Variants in PLIN2 observed in about 807,000 individuals in gnomAD.
PLIN2 encodes the protein perilipin-2.
In PLIN2, 33 loss-of-function variants were observed where a neutral mutation model predicts 30.6. That is an observed-to-expected ratio of 1.08 (90% confidence interval 0.82 to 1.44). The LOEUF (loss-of-function observed/expected upper bound fraction) is 1.44. Ranked by LOEUF, PLIN2 falls within the 40% of genes most tolerant of loss-of-function variation. PLIN2 has a pLI of 0.00. For synonymous variants in PLIN2, 205 were observed against 201.1 expected, an observed-to-expected ratio of 1.02 and a Z score of -0.16; for missense variants, 610 against 531.8, an observed-to-expected ratio of 1.15 and a Z score of -1.45.
Position 19,116,397 on chromosome 9 carries a change from T to C in PLIN2, c.1165A>G (p.Met389Val). Residue 389 changes from methionine to valine, a missense_variant, in exon 8 of 8, where the codon ATG (methionine) becomes GTG (valine). Physicochemically the swap from Met to Val is conservative, Grantham distance 21. Transcript: ENST00000276914. ...QKMKESLDDVMDYLVNNTPLN... is the reference protein window; with the variant it reads ...QKMKESLDDVVDYLVNNTPLN... ...GGCGTGTTGTTAACAAGATAATCCATCACGTCATCTAAAGATTCCTTCATT... is the reference window on the plus strand; with the variant it reads ...GGCGTGTTGTTAACAAGATAATCCACCACGTCATCTAAAGATTCCTTCATT... The C allele has an allele frequency of 3.7e-6, 6 of 1,614,192 alleles. No individual in the cohort carries two copies. The highest frequency in any genetic ancestry group is 3.4e-6 in the Non-Finnish European group (4 of 1,180,028).
chr9:19,114,670 C>A (rs765526967), downstream of PLIN2, among the ~76,000 whole-genome samples: 46 of 152,148 alleles, frequency 3.0e-4, no homozygotes, highest in Admixed American at 3.9e-4. Context: ...TCCCAAAGTG[C>A]TGGGATTACA....
chr9:19,116,237 T>G lies in PLIN2; in HGVS notation c.*11A>C, dbSNP rs138102347. ...GTCTGGCCACAGCATGCACTAGTGA[T>G]AGGGGCAGGTTTAATGAGTTTTATG... On this transcript the variant is annotated 3_prime_UTR_variant, in exon 8 of 8. Coordinates refer to ENST00000276914, the MANE Select transcript of PLIN2 (RefSeq NM_001122.4). 1 of 1,556,536 alleles carries G rather than the reference T, an allele frequency of 6.4e-7. No individual in the cohort carries two copies. The highest frequency in any genetic ancestry group is 2.3e-5 in the East Asian group (1 of 44,256).
chr9:19,119,863 A>G, intron 5 of PLIN2, 32 bp from the exon 6 acceptor site: 2 of 1,456,380 alleles, frequency 1.4e-6, no homozygotes, highest in South Asian at 2.5e-5. Context: ...AAAAAAACTT[A>G]AGGGATCACA....
chr9:19,109,494 A>G (rs35000581), intron 2 of PLIN2, among the ~76,000 whole-genome samples: 9,042 of 145,714 alleles, frequency 0.062, 308 homozygotes, highest in East Asian at 0.11. Context: ...CAGTGAGCCG[A>G]GGTTCACCAC....
Position 19,126,213 on chromosome 9 carries a change from G to T in PLIN2, c.127C>A (p.Leu43Met). ...TCTGCCATCTCACACACAGACTTCA[G>T]GTAGGGATACTGGTCCTTTGTACTG... ...YLSTKDQYPY[L>M]KSVCEMAENG... The change falls in exon 3 of 8, where the codon CTG becomes ATG. Residue 43 changes from leucine to methionine, a missense_variant. By Grantham distance (15) the Leu-to-Met change is conservative. Coordinates refer to ENST00000276914, the MANE Select transcript of PLIN2 (RefSeq NM_001122.4). 1 of 1,614,160 alleles carries T rather than the reference G, an allele frequency of 6.2e-7. No homozygotes were observed. The highest frequency in any genetic ancestry group is 1.3e-5 in the African/African-American group (1 of 75,052).
chr9:19,125,148 C>T (rs1186465751), intron 3 of PLIN2, among the ~76,000 whole-genome samples: 5 of 152,142 alleles, frequency 3.3e-5, no homozygotes, highest in African/African-American at 9.7e-5. Context: ...TTCTTTATTT[C>T]GGTAAAATAT....
In PLIN2 at chr9:19,115,961, G is replaced by A. The variant is rs1183071393; in HGVS notation, c.*287C>T. 1 of 269,632 alleles carries A rather than the reference G, an allele frequency of 3.7e-6. No individual in the cohort carries two copies. The highest frequency in any genetic ancestry group is 7.0e-6 in the Non-Finnish European group (1 of 143,380). 16.7% of individuals were successfully genotyped at this position (269,632 alleles called of 1,614,324 possible). A position where few individuals can be genotyped will look rare whatever the true frequency, so the allele number is the denominator to read the frequency against. On this transcript the variant is annotated 3_prime_UTR_variant, in exon 8 of 8. Coordinates refer to ENST00000276914, the MANE Select transcript of PLIN2 (RefSeq NM_001122.4). ...TTTTTATTCAATACAAACAGTAACA[G>A]AGGCAACACAATGGCCATAGAATGA...
downstream of PLIN2, among the ~76,000 whole-genome samples, chr9:19,112,308 T>C (rs1818168930): frequency 6.6e-6 from 1 of 152,200 alleles, no homozygotes; most frequent in African/African-American, 2.4e-5. Context: ...TTACATACTA[T>C]GTTAGCCTTA....
At chr9:19,112,085 C>T (rs933089111), downstream of PLIN2, among the ~76,000 whole-genome samples, 1 of 152,234 alleles carries the variant, frequency 6.6e-6, no homozygotes, top group African/African-American at 2.4e-5. Flanking sequence ...TCAACACTCA[C>T]TTCCATCTGT....
rs748318744 is a variant in PLIN2 at position 19,119,668 on chromosome 9, G to T, written c.759C>A (p.Leu253=). The T allele has an allele frequency of 6.3e-7, 1 of 1,599,586 alleles. No homozygotes were observed. The highest frequency in any genetic ancestry group is 8.5e-7 in the Non-Finnish European group (1 of 1,171,344). The change falls in exon 6 of 8, where the codon CTC becomes CTA. Residue 253 remains leucine, a synonymous_variant. Transcript: ENST00000276914. ...TACTCACCAGGTGAACAGTAGAATGGAGCTGAGAAATGGTCTGTTGGCTTT... is the reference window on the plus strand; with the variant it reads ...TACTCACCAGGTGAACAGTAGAATGTAGCTGAGAAATGGTCTGTTGGCTTT... ...KQKSQQTISQ[L]HSTVHLIEFA...
Position 19,127,241 on chromosome 9 carries a change from C to G in PLIN2, c.-23+178G>C, listed in dbSNP as rs1485675647. On this transcript the variant is annotated intron_variant, in intron 1 of 7. Coordinates refer to ENST00000276914, the MANE Select transcript of PLIN2 (RefSeq NM_001122.4). This position sits in a 1 kb window ranked among gnomAD's most constrained non-coding sequence, Gnocchi z 4.3. ...CAGACCGCCCCTACCCAGCCAGGAC[C>G]TGGAAGCCGCGAGGCGAGCGGGGGG... is the stretch of plus-strand genomic sequence containing the variant. Among the ~76,000 whole-genome samples the G allele has an allele frequency of 6.6e-6, 1 of 152,190 alleles. No individual in the cohort carries two copies. The highest frequency in any genetic ancestry group is 1.5e-5 in the Non-Finnish European group (1 of 68,032).
chr9:19,123,795 C>A, intron 3 of PLIN2, 148 bp from the exon 4 acceptor site: 1 of 618,222 alleles, frequency 1.6e-6, no homozygotes, highest in Non-Finnish European at 2.8e-6. Context: ...CTGAGGCAGG[C>A]GGATCACGAG....
rs781458865 is a variant in PLIN2, at chr9:19,116,297, A to G, written c.1265T>C (p.Met422Thr). Residue 422 changes from methionine (M) to threonine (T), a missense_variant, in exon 8 of 8, where the codon ATG becomes ACG. Physicochemically the swap from Met to Thr is moderately conservative, Grantham distance 81 (BLOSUM62 -1). Transcript: ENST00000276914. ...SQNAQDQGAE[M>T]DKSSQETQRS... ...CTGGGTCTCCTGGCTGCTCTTGTCCATCTCTGCACCTTGGTCCTGAGCATT... is the reference window on the plus strand; with the variant it reads ...CTGGGTCTCCTGGCTGCTCTTGTCCGTCTCTGCACCTTGGTCCTGAGCATT... 6.2e-7 allele frequency: 1 copy of G among 1,611,760 alleles called. No individual in the cohort carries two copies. Among genetic ancestry groups the G allele is most frequent in the African/African-American group, 1.3e-5 (1 of 74,954 alleles).
downstream of PLIN2, among the ~76,000 whole-genome samples, chr9:19,111,287 G>C (rs765298657): frequency 6.6e-6 from 1 of 151,918 alleles, no homozygotes; most frequent in Non-Finnish European, 1.5e-5. Context: ...GGCCTCAAGT[G>C]ATCTGCCGAC....
In PLIN2 at chr9:19,123,234, G is replaced by C. The variant is rs1564031546; in HGVS notation, c.309+331C>G. On this transcript the variant is annotated intron_variant, in intron 4 of 7. Transcript: ENST00000276914. ...CATTGTACAAGCCAGGTGAGAAAAG[G>C]TTATATATATCACGTCTGCATTTAT... 4.4e-6 allele frequency: 4 copies of C among 917,724 alleles called. No individual in the cohort carries two copies. The South Asian group carries it at 6.8e-5, about 16-fold the overall frequency. 56.8% of individuals were successfully genotyped at this position (917,724 alleles called of 1,614,324 possible).
downstream of PLIN2, among the ~76,000 whole-genome samples, chr9:19,112,815 T>C (rs141357552): frequency 4.9e-3 from 736 of 151,334 alleles, 2 homozygotes; most frequent in Non-Finnish European, 7.4e-3. Context: ...AGCAAAACCA[T>C]GACCAATGTG....
intron 4 of PLIN2, among the ~76,000 whole-genome samples, chr9:19,121,577 A>T (rs1043311050): frequency 1.3e-5 from 2 of 152,252 alleles, no homozygotes; most frequent in Non-Finnish European, 1.5e-5. Context: ...AAGTCACACA[A>T]ATCCAGAGAG....
intron 6 of PLIN2, among the ~76,000 whole-genome samples, 188 bp from the exon 7 acceptor site, chr9:19,118,643 T>C (rs2131178940): frequency 6.6e-6 from 1 of 152,342 alleles, no homozygotes; most frequent in East Asian, 1.9e-4. Context: ...AGTAGCTCTT[T>C]ACTGCCTCTA....
chr9:19,116,574 A>C lies in PLIN2; in HGVS notation c.988T>G (p.Ser330Ala), dbSNP rs1818230173. ...TTCTGTGGTACACCTTGGATGTTGG[A>C]CAGGAGGGTGTGGCACGTGGTCTGG... ...QLQTTCHTLL[S>A]NIQGVPQNIQ... Residue 330 changes from serine (S) to alanine (A), a missense_variant, in exon 8 of 8, where the codon TCC (serine) becomes GCC (alanine). By Grantham distance (99) the Ser-to-Ala change is moderately conservative (BLOSUM62 1). Coordinates refer to ENST00000276914, the MANE Select transcript of PLIN2 (RefSeq NM_001122.4). 1 of 1,614,138 alleles carries C rather than the reference A, an allele frequency of 6.2e-7. No homozygotes were observed. Among genetic ancestry groups the C allele is most frequent in the East Asian group, 2.2e-5 (1 of 44,890 alleles).
Sources: gnomAD v4.1 joint callset for allele counts (sites outside exome capture counted in the v4.1 genomes callset) on GRCh38, gnomAD v4.1.1 for gene constraint, Gnocchi (gnomAD v3.1) non-coding constraint, MANE v1.5 for transcripts, NCBI Gene and HGNC (gene_info 2026-07-23, HGNC 2026-07-21) for gene names.